Variants in ATP2B2 observed in about 807,000 individuals in gnomAD.
The protein encoded by ATP2B2 is ATPase plasma membrane Ca2+ transporting 2.
A neutral mutation model predicts 120.0 loss-of-function variants in ATP2B2; 15 were observed. The observed-to-expected ratio is 0.12, with a 90% CI of 0.08 to 0.19. The LOEUF is 0.19. Ranked by LOEUF, ATP2B2 falls within the 10% of genes least tolerant of loss-of-function variation. The pLI, the probability that ATP2B2 is intolerant of heterozygous loss-of-function variation, is 1.00. For missense variants in ATP2B2, 1,045 were observed against 1,719.8 expected, an observed-to-expected ratio of 0.61 and a Z score of 6.94; for synonymous variants, 694 against 700.3, an observed-to-expected ratio of 0.99 and a Z score of 0.14.
At position 10,417,369 on chromosome 3, in the gene ATP2B2, C is replaced by T. The variant is rs548494368; in HGVS notation, c.200-6554G>A. 5.9e-5 allele frequency among the ~76,000 whole-genome samples: 9 copies of T among 152,104 alleles called. No individual in the cohort carries two copies. In the South Asian group the frequency reaches 1.0e-3, roughly 18 times the overall value. On this transcript the variant is annotated intron_variant, in intron 2 of 22. Transcript: ENST00000360273. ...AGATGGTGCAGCAGCCGGGCAGAGGCGCTCCTCACTATGAGAGGGAAGGAC... is the reference window on the plus strand; with the variant it reads ...AGATGGTGCAGCAGCCGGGCAGAGGTGCTCCTCACTATGAGAGGGAAGGAC...
intron 1 of ATP2B2, among the ~76,000 whole-genome samples, chr3:10,640,425 G>A (rs2070140665): frequency 6.6e-6 from 1 of 152,228 alleles, no homozygotes; most frequent in Admixed American, 6.5e-5. Flanking sequence ...AAATACTGCA[G>A]AGGGGGCACT....
chr3:10,668,061 T>C (rs538831469), intron 1 of ATP2B2, among the ~76,000 whole-genome samples: 1 of 152,350 alleles, frequency 6.6e-6, no homozygotes, highest in East Asian at 1.9e-4. Flanking sequence ...CCATCCTGGC[T>C]TCCGACCTCC....
chr3:10,352,039 G>T (rs1243286262), intron 14 of ATP2B2, among the ~76,000 whole-genome samples: 1 of 152,266 alleles, frequency 6.6e-6, no homozygotes, highest in Non-Finnish European at 1.5e-5. Flanking sequence ...AGAGTTAGAA[G>T]GTGGGGCCAA....
upstream of ATP2B2, among the ~76,000 whole-genome samples, chr3:10,508,340 C>T (rs1251947639): frequency 1.3e-5 from 2 of 152,216 alleles, no homozygotes; most frequent in African/African-American, 4.8e-5. Flanking sequence ...CTGATTCCAC[C>T]AACTGAGTTG....
intron 6 of ATP2B2, among the ~76,000 whole-genome samples, chr3:10,387,169 C>T (rs369132528): frequency 8.5e-5 from 13 of 152,348 alleles, no homozygotes; most frequent in South Asian, 4.1e-4. Flanking sequence ...CTCTTAGTCA[C>T]GACTCTTTCC....
intron 11 of ATP2B2, among the ~76,000 whole-genome samples, chr3:10,373,707 T>C (rs2061306510): frequency 6.6e-6 from 1 of 152,162 alleles, no homozygotes; most frequent in Non-Finnish European, 1.5e-5. Flanking sequence ...TTTAAAATAA[T>C]GTAGCTACTA....
chr3:10,702,334 TGCTTACCGC>T (rs1330508773), intron 1 of ATP2B2, among the ~76,000 whole-genome samples: 1 of 152,230 alleles, frequency 6.6e-6, no homozygotes, highest in African/African-American at 2.4e-5. Context: ...CATCCGAAAG[TGCTTACCGC>T]GTGTGCCAGG....
At chr3:10,702,305 T>C (rs77530623) in intron 1 of ATP2B2, among the ~76,000 whole-genome samples, 7,934 of 152,286 alleles carry the variant, frequency 0.052, 603 homozygotes, top group African/African-American at 0.17. Flanking sequence ...GTGATCACGA[T>C]AGTAACACTA....
rs2125519936 is a variant in ATP2B2, at chr3:10,375,270, C to T, written c.1416+160G>A. Among the ~76,000 whole-genome samples, 1 of 152,228 alleles carries T rather than the reference C, an allele frequency of 6.6e-6. No homozygotes were observed. The highest frequency in any genetic ancestry group is 2.1e-4 in the South Asian group (1 of 4,830). ...AGGCCCCTGGACTCTATGAAAGCGT[C>T]AGAGTTTTGGGGTCCTGCATACATT... On this transcript the variant is annotated intron_variant, in intron 11 of 22. Coordinates refer to ENST00000360273, the MANE Select transcript of ATP2B2 (RefSeq NM_001001331.4). This position sits in a 1 kb window ranked among gnomAD's most constrained non-coding sequence, Gnocchi z 4.2.
At chr3:10,434,682 T>C (rs1429362106) in intron 2 of ATP2B2, among the ~76,000 whole-genome samples, 1 of 152,250 alleles carries the variant, frequency 6.6e-6, no homozygotes, top group African/African-American at 2.4e-5. Flanking sequence ...AGTCTCATGG[T>C]GCCCCATGGC....
intron 7 of ATP2B2, 23 bp from the exon 8 acceptor site, chr3:10,385,350 G>C: frequency 6.2e-7 from 1 of 1,610,282 alleles, no homozygotes; most frequent in Admixed American, 1.7e-5. Flanking sequence ...GGGAGGGATG[G>C]AAAATGCAGT....
intron 2 of ATP2B2, among the ~76,000 whole-genome samples, chr3:10,420,361 CTTTTTT>C (rs57911821): frequency 1.4e-5 from 2 of 139,946 alleles, no homozygotes; most frequent in Non-Finnish European, 1.6e-5. Flanking sequence ...CTTGGTTTCA[CTTTTTT>C]TTTTTTTTTT....
At chr3:10,433,790 C>T (rs1026959343) in intron 2 of ATP2B2, among the ~76,000 whole-genome samples, 7 of 152,200 alleles carry the variant, frequency 4.6e-5, no homozygotes, top group African/African-American at 1.7e-4. Context: ...TAAATGTCAC[C>T]TCCACAAGGA....
chr3:10,657,165 G>A (rs370788638), intron 1 of ATP2B2, among the ~76,000 whole-genome samples: 6 of 152,354 alleles, frequency 3.9e-5, no homozygotes, highest in East Asian at 3.9e-4. Flanking sequence ...AGAGACTCAG[G>A]TGGAAGCAGG....
chr3:10,350,099 G>T lies in ATP2B2; in HGVS notation c.2404+13C>A. ...CTGGGCTTCAGGATTGCCCGTGCCC[G>T]CCCAAGTCTTACCTTTAACCAGGGT... On this transcript the variant is annotated intron_variant, in intron 16 of 22. Coordinates refer to ENST00000360273, the MANE Select transcript of ATP2B2 (RefSeq NM_001001331.4). The T allele has an allele frequency of 6.2e-7, 1 of 1,613,624 alleles. No individual in the cohort carries two copies. Among genetic ancestry groups the T allele is most frequent in the South Asian group, 1.1e-5 (1 of 90,992 alleles).
chr3:10,681,799 T>C (rs2071390739), intron 1 of ATP2B2, among the ~76,000 whole-genome samples: 1 of 152,178 alleles, frequency 6.6e-6, no homozygotes. Flanking sequence ...AGCTAGTAAA[T>C]GGAGAAACCA....
intron 2 of ATP2B2, among the ~76,000 whole-genome samples, chr3:10,555,411 C>G (rs1376875001): frequency 6.6e-6 from 1 of 152,248 alleles, no homozygotes; most frequent in African/African-American, 2.4e-5. Flanking sequence ...CTAGAAAACT[C>G]CTATGTATCT....
At chr3:10,395,607 C>A (rs2062011235) in intron 5 of ATP2B2, among the ~76,000 whole-genome samples, 2 of 152,214 alleles carry the variant, frequency 1.3e-5, no homozygotes, top group Admixed American at 1.3e-4. Flanking sequence ...GCCATCCTTG[C>A]AACTTTTCTG....
chr3:10,524,806 G>A (rs983101719), intron 3 of ATP2B2, among the ~76,000 whole-genome samples: 1 of 152,128 alleles, frequency 6.6e-6, no homozygotes, highest in Non-Finnish European at 1.5e-5. Context: ...GTTTGACCCT[G>A]GCCATCTGTT....
Sources: gnomAD v4.1 joint callset for allele counts (sites outside exome capture counted in the v4.1 genomes callset) on GRCh38, gnomAD v4.1.1 for gene constraint, Gnocchi (gnomAD v3.1) non-coding constraint, MANE v1.5 for transcripts, NCBI Gene and HGNC (gene_info 2026-07-23, HGNC 2026-07-21) for gene names.